The following SH3BGRL variants were observed in gnomAD, a reference collection of about 807,000 sequenced individuals.
SH3BGRL encodes adapter SH3BGRL.
Under a neutral mutation model 9.8 loss-of-function variants are expected in SH3BGRL, and 7 were observed. The ratio of observed to expected loss-of-function variants is 0.72; its 90% CI spans 0.41 to 1.35. SH3BGRL has a LOEUF of 1.35. Among genes scored for constraint, SH3BGRL ranks in the 40% most tolerant of loss-of-function variants. The probability of loss-of-function intolerance (pLI) is 0.01; values close to 1 mark genes in which losing one functional copy is unlikely to be tolerated. For missense variants in SH3BGRL, 73 were observed against 84.4 expected (o/e 0.86, Z 0.53); for synonymous variants, 36 against 29.1 (o/e 1.24, Z -0.76).
intron 1 of SH3BGRL, among the ~76,000 whole-genome samples, chrX:81,249,726 G>T (rs1461327145): frequency 8.9e-6 from 1 of 112,112 alleles, no homozygotes; most frequent in Non-Finnish European, 1.9e-5. Context: ...TTATCCGTTT[G>T]TGTTTTTGTG....
chrX:81,282,564 T>C (rs1371184912), intron 3 of SH3BGRL, among the ~76,000 whole-genome samples: 4 of 111,964 alleles, frequency 3.6e-5, no homozygotes, highest in Non-Finnish European at 7.5e-5. Context: ...GTAAATAACC[T>C]GCTCCTGAAT....
intron 1 of SH3BGRL, among the ~76,000 whole-genome samples, chrX:81,224,380 A>T (rs1602598606): frequency 8.9e-6 from 1 of 111,739 alleles, no homozygotes; most frequent in Non-Finnish European, 1.9e-5. Context: ...GAAAGAAATG[A>T]CCTTAACTCT....
intron 1 of SH3BGRL, among the ~76,000 whole-genome samples, chrX:81,205,851 G>A (rs1194472850): frequency 9.1e-6 from 1 of 110,397 alleles, no homozygotes; most frequent in African/African-American, 3.3e-5. Context: ...CTAGTATTCC[G>A]CTTTCTCAGT....
chrX:81,278,142 T>C (rs1033040528), intron 2 of SH3BGRL, among the ~76,000 whole-genome samples, 189 bp from the exon 3 acceptor site: 1 of 112,113 alleles, frequency 8.9e-6, no homozygotes, highest in African/African-American at 3.2e-5. Flanking sequence ...TTTGTATTTT[T>C]AGTAGAGACA....
At chrX:81,284,611 G>T (rs1333418394) in intron 3 of SH3BGRL, among the ~76,000 whole-genome samples, 1 of 110,391 alleles carries the variant, frequency 9.1e-6, no homozygotes, top group Non-Finnish European at 1.9e-5. Context: ...GATGAAATTA[G>T]GAGAAAGGAA....
chrX:81,294,298 T>A (rs1188762420), intron 3 of SH3BGRL, among the ~76,000 whole-genome samples: 1 of 109,116 alleles, frequency 9.2e-6, no homozygotes, highest in African/African-American at 3.4e-5. Flanking sequence ...GAGGAAAAAA[T>A]GGTTTTGTGG....
At chrX:81,241,132 T>C (rs1340377947) in intron 1 of SH3BGRL, among the ~76,000 whole-genome samples, 3 of 112,588 alleles carry the variant, frequency 2.7e-5, no homozygotes, top group African/African-American at 9.7e-5. Flanking sequence ...CTGGGTGTTG[T>C]AGCAACCCAA....
intron 3 of SH3BGRL, among the ~76,000 whole-genome samples, chrX:81,284,853 A>C (rs2075829486): frequency 1.8e-5 from 2 of 111,166 alleles, no homozygotes; most frequent in Non-Finnish European, 3.8e-5. Context: ...AGGGCCCAGC[A>C]GTAGTTAGAA....
intron 1 of SH3BGRL, among the ~76,000 whole-genome samples, chrX:81,246,923 T>G (rs2075691626): frequency 8.9e-6 from 1 of 112,412 alleles, no homozygotes; most frequent in African/African-American, 3.2e-5. Flanking sequence ...TTAACAATAC[T>G]TTTCTTCCAA....
chrX:81,219,822 C>A (rs932502846), intron 1 of SH3BGRL, among the ~76,000 whole-genome samples: 1 of 111,289 alleles, frequency 9.0e-6, no homozygotes, highest in Non-Finnish European at 1.9e-5. Flanking sequence ...CACTTGCTGT[C>A]ATGAAGGTAT....
intron 1 of SH3BGRL, among the ~76,000 whole-genome samples, chrX:81,252,542 G>A (rs765233937): frequency 7.2e-5 from 8 of 111,549 alleles, no homozygotes; most frequent in Non-Finnish European, 1.5e-4. Flanking sequence ...GTCTTTTGGC[G>A]TCCCTGGGCC....
chrX:81,288,874 A>T (rs1459367747), intron 3 of SH3BGRL, among the ~76,000 whole-genome samples: 1 of 111,846 alleles, frequency 8.9e-6, no homozygotes, highest in African/African-American at 3.3e-5. Flanking sequence ...CAATCTACAG[A>T]TTCAATTAAT....
At chrX:81,248,584 C>T (rs1235878283) in intron 1 of SH3BGRL, among the ~76,000 whole-genome samples, 1 of 112,297 alleles carries the variant, frequency 8.9e-6, no homozygotes, top group African/African-American at 3.2e-5. Flanking sequence ...CTGTGGAGAC[C>T]CCCTACCTAA....
chrX:81,219,747 A>G (rs943808609), intron 1 of SH3BGRL, among the ~76,000 whole-genome samples: 2 of 111,355 alleles, frequency 1.8e-5, no homozygotes, highest in Non-Finnish European at 3.8e-5. Context: ...GTGTTATATT[A>G]GCTGTGATTC....
chrX:81,202,613 C>G (rs748723277), intron 1 of SH3BGRL: 16 of 761,937 alleles, frequency 2.1e-5, no homozygotes, highest in Non-Finnish European at 2.5e-5. Flanking sequence ...TGAATACGCC[C>G]TAAGTACTGA....
rs2075805365 is a variant in SH3BGRL at position 81,278,420 on chromosome X, C to T, written c.312+9C>T. On this transcript the variant is annotated intron_variant, in intron 3 of 3. Transcript: ENST00000373212. Reference sequence around the variant, plus strand: ...CCCCACCTGGTTCAAAGGTATGATACCCTTTTTTTCCTGTTTTATAGGTCA... The same window carrying T: ...CCCCACCTGGTTCAAAGGTATGATATCCTTTTTTTCCTGTTTTATAGGTCA... The T allele has an allele frequency of 1.2e-5, 13 of 1,079,784 alleles. No homozygotes were observed. The highest frequency in any genetic ancestry group is 1.5e-5 in the Non-Finnish European group (12 of 790,793). 89.0% of individuals were successfully genotyped at this position (1,079,784 alleles called of 1,213,427 possible). A position where few individuals can be genotyped will look rare whatever the true frequency, so the allele number is the denominator to read the frequency against.
At chrX:81,273,889 G>A (rs1475619718) in intron 1 of SH3BGRL, among the ~76,000 whole-genome samples, 1 of 111,335 alleles carries the variant, frequency 9.0e-6, no homozygotes, top group Non-Finnish European at 1.9e-5. Context: ...GGAAACAATT[G>A]TTTAATGTAC....
intron 3 of SH3BGRL, among the ~76,000 whole-genome samples, chrX:81,294,416 C>A: frequency 9.0e-6 from 1 of 110,996 alleles, no homozygotes; most frequent in Admixed American, 9.6e-5. Flanking sequence ...TGTGCCATGG[C>A]TGTGGTGGGC....
intron 3 of SH3BGRL, among the ~76,000 whole-genome samples, chrX:81,290,156 A>T (rs1198609971): frequency 8.9e-6 from 1 of 112,131 alleles, no homozygotes; most frequent in Non-Finnish European, 1.9e-5. Context: ...GCCACTATAC[A>T]GAACAGTTTG....
Sources: allele counts gnomAD v4.1 joint callset (sites outside exome capture counted in the v4.1 genomes callset), GRCh38; gene constraint gnomAD v4.1.1; transcripts MANE v1.5; gene names NCBI Gene and HGNC (gene_info 2026-07-23, HGNC 2026-07-21).